The following ANKRD12 variants were observed in gnomAD, a reference collection of about 807,000 sequenced individuals.
The protein encoded by ANKRD12 is ankyrin repeat domain-containing protein 12.
ANKRD12 carries 85 observed loss-of-function variants against 183.4 expected under a neutral mutation model. That is an observed-to-expected ratio of 0.46 (90% CI 0.39 to 0.56). The LOEUF (loss-of-function observed/expected upper bound fraction) is 0.56. Among genes scored for constraint, ANKRD12 ranks in the 20% least tolerant of loss-of-function variants. ANKRD12 has a pLI of 0.00. For missense variants in ANKRD12, 2,405 were observed against 2,357.1 expected, an observed-to-expected ratio of 1.02 and a Z score of -0.42; for synonymous variants, 914 against 800.2, an observed-to-expected ratio of 1.14 and a Z score of -2.40.
chr18:9,155,274 A>G (rs1485238379), intron 1 of ANKRD12, among the ~76,000 whole-genome samples: 4 of 152,230 alleles, frequency 2.6e-5, no homozygotes, highest in Non-Finnish European at 5.9e-5. Context: ...TTAAGTAACT[A>G]AAAGAGTATA....
At chr18:9,231,417 A>G (rs12150725) in intron 8 of ANKRD12, among the ~76,000 whole-genome samples, 86,492 of 151,882 alleles carry the variant, frequency 0.57, 25,544 homozygotes, top group South Asian at 0.75. Flanking sequence ...AAATCTGGGT[A>G]CTGCAGTGTT....
chr18:9,169,389 G>T (rs1387129464), intron 1 of ANKRD12, among the ~76,000 whole-genome samples: 3 of 152,056 alleles, frequency 2.0e-5, no homozygotes, highest in African/African-American at 7.2e-5. Context: ...TATGAATCTG[G>T]GTTCTTCTGT....
intron 11 of ANKRD12, among the ~76,000 whole-genome samples, chr18:9,277,527 C>A (rs9950097): frequency 0.56 from 84,514 of 150,048 alleles, 24,634 homozygotes; most frequent in South Asian, 0.74. Flanking sequence ...CGGGGTTTCA[C>A]CATGTTAGCC....
intron 2 of ANKRD12, among the ~76,000 whole-genome samples, chr18:9,192,475 GATTTTTGTCTATA>G (rs947755733): frequency 5.3e-5 from 8 of 152,008 alleles, no homozygotes; most frequent in African/African-American, 1.9e-4. Flanking sequence ...TTCATAAGTG[GATTTTTGTCTATA>G]ATTTTGTATC....
At chr18:9,169,948 A>T (rs1043598410) in intron 1 of ANKRD12, among the ~76,000 whole-genome samples, 56 of 152,116 alleles carry the variant, frequency 3.7e-4, no homozygotes, top group African/African-American at 1.4e-3. Context: ...TCTGTAAAGT[A>T]TTTTATTTCT....
chr18:9,277,321 C>CTTTTTTTTT (rs773999861), intron 11 of ANKRD12, among the ~76,000 whole-genome samples: 1 of 84,640 alleles, frequency 1.2e-5, no homozygotes, highest in Non-Finnish European at 2.3e-5. Flanking sequence ...CACCCTGTTT[C>CTTTTTTTTT]TTTTTTTTTT....
At position 9,257,537 on chromosome 18, in the gene ANKRD12, G is replaced by A; in HGVS notation, c.4270G>A (p.Asp1424Asn). 1 of 1,614,094 alleles carries A rather than the reference G, an allele frequency of 6.2e-7. No individual in the cohort carries two copies. Among genetic ancestry groups the A allele is most frequent in the East Asian group, 2.2e-5 (1 of 44,882 alleles). Residue 1424 changes from aspartate to asparagine, a missense_variant, in exon 9 of 13, where the codon GAT becomes AAT. This residue lies in a region of ANKRD12 where 1,983 missense variants were observed against 1,725.9 expected (regional missense o/e 1.15). Coordinates refer to ENST00000262126, the MANE Select transcript of ANKRD12 (RefSeq NM_015208.5). ...IQNKSWEMPV[D>N]RLETLSTRDF... ...GAATAAATCATGGGAGATGCCTGTT[G>A]ATAGACTAGAGACATTAAGCACCAG...
intron 8 of ANKRD12, among the ~76,000 whole-genome samples, chr18:9,246,423 T>C (rs997884800): frequency 6.6e-6 from 1 of 152,216 alleles, no homozygotes; most frequent in Non-Finnish European, 1.5e-5. Flanking sequence ...TTCTTTGCCC[T>C]CACGCCTCCC....
chr18:9,157,924 T>G (rs2030854742), intron 1 of ANKRD12, among the ~76,000 whole-genome samples: 1 of 152,050 alleles, frequency 6.6e-6, no homozygotes, highest in South Asian at 2.1e-4. Flanking sequence ...GTCAAAGAAC[T>G]TAAGTGGTCA....
chr18:9,162,908 T>C (rs1374691011), intron 1 of ANKRD12, among the ~76,000 whole-genome samples: 3 of 152,208 alleles, frequency 2.0e-5, no homozygotes, highest in South Asian at 2.1e-4. Flanking sequence ...TTTTTTCTTA[T>C]AAATTTAAGT....
At chr18:9,270,740 C>T (rs1207501713) in intron 10 of ANKRD12, among the ~76,000 whole-genome samples, 5 of 152,162 alleles carry the variant, frequency 3.3e-5, no homozygotes, top group Admixed American at 1.3e-4. Flanking sequence ...ACGTTGTGCA[C>T]ATGTACCCTA....
At chr18:9,195,268 C>T (rs2034707568) in intron 2 of ANKRD12, among the ~76,000 whole-genome samples, 1 of 152,080 alleles carries the variant, frequency 6.6e-6, no homozygotes, top group Non-Finnish European at 1.5e-5. Flanking sequence ...AATCTTTACA[C>T]CAAACCCCAG....
intron 5 of ANKRD12, 82 bp from the exon 6 acceptor site, chr18:9,211,502 A>G: frequency 8.0e-7 from 1 of 1,256,644 alleles, no homozygotes; most frequent in Non-Finnish European, 1.1e-6. Flanking sequence ...TCAGGAGATT[A>G]GCATATTACC....
intron 2 of ANKRD12, among the ~76,000 whole-genome samples, chr18:9,192,182 T>C (rs1006599349): frequency 1.3e-5 from 2 of 152,142 alleles, no homozygotes; most frequent in African/African-American, 4.8e-5. Flanking sequence ...AGTAACCTTA[T>C]AAGCAAAACA....
rs1011030076 is a variant in ANKRD12 at position 9,202,085 on chromosome 18, C to T, written c.236-2391C>T. 5.3e-5 allele frequency among the ~76,000 whole-genome samples: 8 copies of T among 152,232 alleles called. No individual in the cohort carries two copies. The South Asian group carries it at 1.2e-3, about 24-fold the overall frequency. On this transcript the variant is annotated intron_variant, in intron 3 of 12. Coordinates refer to ENST00000262126, the MANE Select transcript of ANKRD12 (RefSeq NM_015208.5). ...TCAATTGATCCACCCACCTCAGCCT[C>T]CCAGTGCTGGGATTACAGGCGTGAG...
At chr18:9,237,881 A>G (rs1293926910) in intron 8 of ANKRD12, among the ~76,000 whole-genome samples, 1 of 152,158 alleles carries the variant, frequency 6.6e-6, no homozygotes, top group Non-Finnish European at 1.5e-5. Flanking sequence ...ACATATATTT[A>G]CAAGACTCAA....
intron 1 of ANKRD12, among the ~76,000 whole-genome samples, chr18:9,156,302 T>G (rs532833507): frequency 6.6e-6 from 1 of 152,198 alleles, no homozygotes; most frequent in Non-Finnish European, 1.5e-5. Flanking sequence ...ATTCTGAAAT[T>G]CATTTGGTGA....
intron 1 of ANKRD12, among the ~76,000 whole-genome samples, chr18:9,172,205 G>A (rs950627641): frequency 1.3e-5 from 2 of 151,970 alleles, no homozygotes; most frequent in African/African-American, 4.8e-5. Flanking sequence ...TGATGATTAT[G>A]TTTCTTGGGA....
Position 9,284,408 on chromosome 18 carries a change from CTGAT to C in ANKRD12, c.*3283_*3286del, listed in dbSNP as rs2040179266. Reference sequence around the variant, plus strand: ...TTTTCCAAAAAGAAAATTATTGTCTCTGATATCTTAAAACATAAAAACCCAAAAT... The same window carrying C: ...TTTTCCAAAAAGAAAATTATTGTCTCATCTTAAAACATAAAAACCCAAAAT... On this transcript the variant is annotated 3_prime_UTR_variant, in exon 13 of 13. Coordinates refer to ENST00000262126, the MANE Select transcript of ANKRD12 (RefSeq NM_015208.5). 1 of 152,038 alleles carries C rather than the reference CTGAT, an allele frequency of 6.6e-6. No homozygotes were observed. The highest frequency in any genetic ancestry group is 2.1e-4 in the South Asian group (1 of 4,824). The allele number at this position is 152,038 out of a possible 1,614,324, so 9.4% of individuals were successfully genotyped here.
Sources: gnomAD v4.1 joint callset for allele counts (sites outside exome capture counted in the v4.1 genomes callset) on GRCh38, gnomAD v4.1.1 for gene constraint, gnomAD v4.1.1 regional missense constraint, MANE v1.5 for transcripts, NCBI Gene and HGNC (gene_info 2026-07-23, HGNC 2026-07-21) for gene names.